RORA: variants seen among roughly 807,000 people sequenced by gnomAD.
RORA encodes the protein RAR related orphan receptor A, also known as nuclear receptor ROR-alpha.
Under a neutral mutation model 69.5 loss-of-function variants are expected in RORA, and 7 were observed. The observed-to-expected ratio is 0.10, with a 90% CI of 0.06 to 0.19. The LOEUF is 0.19. RORA is among the 10% of genes least tolerant of loss of function. RORA has a pLI of 1.00. For missense variants in RORA, 457 were observed against 663.0 expected, an observed-to-expected ratio of 0.69 and a Z score of 3.41; for synonymous variants, 261 against 240.8, an observed-to-expected ratio of 1.08 and a Z score of -0.78.
At chr15:61,182,111 T>G (rs1315664363) in intron 1 of RORA, among the ~76,000 whole-genome samples, 1 of 152,222 alleles carries the variant, frequency 6.6e-6, no homozygotes, top group Non-Finnish European at 1.5e-5. Context: ...TTTACTGTAT[T>G]GTAACTCAGT....
At chr15:61,155,914 C>T (rs1567014933) in intron 1 of RORA, among the ~76,000 whole-genome samples, 1 of 152,154 alleles carries the variant, frequency 6.6e-6, no homozygotes, top group Non-Finnish European at 1.5e-5. Flanking sequence ...CAGGAATGCA[C>T]ACACGGGCAC....
intron 1 of RORA, among the ~76,000 whole-genome samples, chr15:60,712,382 T>C (rs755246549): frequency 6.6e-6 from 1 of 152,196 alleles, no homozygotes; most frequent in African/African-American, 2.4e-5. Context: ...TTGGTCTAAA[T>C]GAGTGACTGC....
chr15:60,880,423 G>A (rs549900459), intron 1 of RORA, among the ~76,000 whole-genome samples: 114 of 152,308 alleles, frequency 7.5e-4, no homozygotes, highest in Non-Finnish European at 1.4e-3. Flanking sequence ...GGCAGATCAC[G>A]AGGTCAGGAG....
chr15:60,560,483 C>T (rs1231765990), intron 2 of RORA, among the ~76,000 whole-genome samples: 1 of 151,938 alleles, frequency 6.6e-6, no homozygotes, highest in Admixed American at 6.6e-5. Context: ...CACTTGAGCT[C>T]AGGAGTTCAA....
At chr15:60,692,687 G>C (rs2070845598) in intron 1 of RORA, among the ~76,000 whole-genome samples, 1 of 152,184 alleles carries the variant, frequency 6.6e-6, no homozygotes, top group African/African-American at 2.4e-5. Flanking sequence ...GTATAGGGCA[G>C]TTCATTCCAC....
At chr15:60,812,122 A>G (rs1347867475) in intron 1 of RORA, among the ~76,000 whole-genome samples, 1 of 152,214 alleles carries the variant, frequency 6.6e-6, no homozygotes, top group African/African-American at 2.4e-5. Context: ...GTTTGACCCC[A>G]GAAAATCTGC....
At chr15:60,693,828 T>A (rs2070864579) in intron 1 of RORA, among the ~76,000 whole-genome samples, 1 of 152,154 alleles carries the variant, frequency 6.6e-6, no homozygotes, top group African/African-American at 2.4e-5. Flanking sequence ...TCCATCCTCA[T>A]GGATAGGAAG....
At chr15:61,216,839 C>T (rs569745325) in intron 1 of RORA, among the ~76,000 whole-genome samples, 4 of 152,174 alleles carry the variant, frequency 2.6e-5, no homozygotes, top group Non-Finnish European at 4.4e-5. Context: ...TAAGGTCACA[C>T]GGCTAGCACA....
rs577788327 is a variant in RORA at position 60,993,875 on chromosome 15, C to G, written c.166+235178G>C. On this transcript the variant is annotated intron_variant, in intron 1 of 10. Transcript: ENST00000335670. ...AATTTAGGGGGTGGATCCCTGTACA[C>G]CAAAGGTAAATTGATAAAACATTTT... Among the ~76,000 whole-genome samples the G allele has an allele frequency of 2.5e-3, 375 of 152,098 alleles. 1 individual carries two copies. Among genetic ancestry groups the G allele is most frequent in the Non-Finnish European group, 4.7e-3 (319 of 67,996 alleles).
chr15:60,834,803 C>T (rs2073094336), intron 1 of RORA, among the ~76,000 whole-genome samples: 1 of 152,150 alleles, frequency 6.6e-6, no homozygotes, highest in Non-Finnish European at 1.5e-5. Flanking sequence ...AATGCTGAGA[C>T]CTAGGCCCAA....
At chr15:61,119,123 G>A (rs1260767450) in intron 1 of RORA, among the ~76,000 whole-genome samples, 1 of 151,558 alleles carries the variant, frequency 6.6e-6, no homozygotes, top group African/African-American at 2.4e-5. Flanking sequence ...GAGCCAAGGT[G>A]CAGGAACAAG....
chr15:61,059,298 T>A (rs1018293344), intron 1 of RORA, among the ~76,000 whole-genome samples: 7 of 152,218 alleles, frequency 4.6e-5, no homozygotes, highest in Non-Finnish European at 4.4e-5. Flanking sequence ...CCAAGATCCT[T>A]GCCTACTGAG....
intron 1 of RORA, among the ~76,000 whole-genome samples, chr15:60,853,412 T>C (rs2073346711): frequency 6.6e-6 from 1 of 152,168 alleles, no homozygotes; most frequent in African/African-American, 2.4e-5. Flanking sequence ...TTTTCCGCCA[T>C]CTCTCTTGTC....
intron 2 of RORA, chr15:60,592,453 T>A: frequency 7.1e-7 from 1 of 1,403,364 alleles, no homozygotes; most frequent in Non-Finnish European, 9.4e-7. Context: ...GGAGAGCGGA[T>A]GGTCCGACCC....
intron 1 of RORA, among the ~76,000 whole-genome samples, chr15:61,063,456 A>C (rs542940642): frequency 1.3e-5 from 2 of 152,236 alleles, no homozygotes; most frequent in African/African-American, 4.8e-5. Flanking sequence ...CTAAATGTGA[A>C]AAGGAATTAA....
intron 1 of RORA, among the ~76,000 whole-genome samples, chr15:60,917,603 G>T (rs867124140): frequency 6.6e-6 from 1 of 152,202 alleles, no homozygotes; most frequent in South Asian, 2.1e-4. Context: ...GTAGGGAAAC[G>T]TCGGCCGAGG....
At chr15:61,155,671 G>A (rs565300088) in intron 1 of RORA, among the ~76,000 whole-genome samples, 37 of 152,298 alleles carry the variant, frequency 2.4e-4, no homozygotes, top group Middle Eastern at 6.8e-3. Context: ...TATGATGCCT[G>A]ACAAATTCTG....
In RORA at chr15:60,942,567, A is replaced by G. The variant is rs567424072; in HGVS notation, c.167-263881T>C. On this transcript the variant is annotated intron_variant, in intron 1 of 10. Coordinates refer to ENST00000335670, the MANE Select transcript of RORA (RefSeq NM_134261.3). ...GTAGCCTCAGGCACACATTCATGTG[A>G]GCAGTGACCTGTAATCAGTTTATAA... 7.9e-5 allele frequency among the ~76,000 whole-genome samples: 12 copies of G among 152,350 alleles called. No homozygotes were observed. The South Asian group carries it at 2.1e-3, about 26-fold the overall frequency.
At chr15:60,950,327 C>T (rs1893049703) in intron 1 of RORA, among the ~76,000 whole-genome samples, 1 of 135,904 alleles carries the variant, frequency 7.4e-6, no homozygotes, top group Non-Finnish European at 1.6e-5. Flanking sequence ...CCAGCCGCTG[C>T]AAAATCATGC....
Sources: allele counts gnomAD v4.1 joint callset (sites outside exome capture counted in the v4.1 genomes callset), GRCh38; gene constraint gnomAD v4.1.1; transcripts MANE v1.5; gene names NCBI Gene and HGNC (gene_info 2026-07-23, HGNC 2026-07-21).